Variants in PRKAA2 observed in about 807,000 individuals in gnomAD.
PRKAA2 encodes the protein protein kinase AMP-activated catalytic subunit alpha 2.
Under a neutral mutation model 56.3 loss-of-function variants are expected in PRKAA2, and 40 were observed. The observed-to-expected ratio is 0.71, with a 90% CI of 0.55 to 0.92. The LOEUF is 0.92. Among genes scored for constraint, PRKAA2 ranks in the 40% least tolerant of loss-of-function variants. The pLI, the probability that PRKAA2 is intolerant of heterozygous loss-of-function variation, is 0.00. For synonymous variants in PRKAA2, 214 were observed against 234.2 expected, an observed-to-expected ratio of 0.91 and a Z score of 0.79; for missense variants, 542 against 686.9, an observed-to-expected ratio of 0.79 and a Z score of 2.36.
At chr1:56,687,543 G>C (rs1644200595) in intron 2 of PRKAA2, among the ~76,000 whole-genome samples, 1 of 152,124 alleles carries the variant, frequency 6.6e-6, no homozygotes, top group Non-Finnish European at 1.5e-5. Flanking sequence ...ATATTAATTA[G>C]TTGGAAGCTG....
chr1:56,672,961 A>G (rs527428315), intron 1 of PRKAA2, among the ~76,000 whole-genome samples: 1 of 152,340 alleles, frequency 6.6e-6, no homozygotes, highest in East Asian at 1.9e-4. Flanking sequence ...GATAGGCTTA[A>G]GAGAAATAGC....
intron 2 of PRKAA2, among the ~76,000 whole-genome samples, chr1:56,688,855 C>T (rs1271930375): frequency 6.6e-6 from 1 of 152,154 alleles, no homozygotes; most frequent in Admixed American, 6.5e-5. Flanking sequence ...GTAGAGGCAC[C>T]AACTTTTGAT....
chr1:56,670,514 G>A (rs954373234), intron 1 of PRKAA2, among the ~76,000 whole-genome samples: 1 of 152,170 alleles, frequency 6.6e-6, no homozygotes, highest in Non-Finnish European at 1.5e-5. Context: ...TCATTGGCTG[G>A]AACATACTCA....
intron 4 of PRKAA2, 93 bp downstream of exon 4, chr1:56,692,595 C>T (rs1383962972): frequency 1.3e-5 from 16 of 1,264,460 alleles, no homozygotes; most frequent in East Asian, 5.2e-5. Context: ...CAACCTTGTA[C>T]GTTCTGTACC....
chr1:56,688,886 T>G (rs1040850856), intron 2 of PRKAA2, among the ~76,000 whole-genome samples: 7 of 152,204 alleles, frequency 4.6e-5, no homozygotes, highest in Non-Finnish European at 5.9e-5. Flanking sequence ...ACAATACAAG[T>G]AGGTACTCAA....
chr1:56,645,454 G>A lies in PRKAA2; in HGVS notation c.67G>A (p.Gly23Ser). 6.6e-7 allele frequency: 1 copy of A among 1,509,856 alleles called. No individual in the cohort carries two copies. The highest frequency in any genetic ancestry group is 8.9e-7 in the Non-Finnish European group (1 of 1,123,160). The allele number at this position is 1,509,856 out of a possible 1,614,324, so 93.5% of individuals were successfully genotyped here. Residue 23 changes from glycine to serine, a missense_variant, in exon 1 of 9, where the codon GGC becomes AGC. Physicochemically the swap from Gly to Ser is moderately conservative, Grantham distance 56. This residue lies in a region of PRKAA2 where 59 missense variants were observed against 53.9 expected (regional missense o/e 1.09). Transcript: ENST00000371244. The stretch of plus-strand genomic sequence containing the variant: ...ACACTACGTGCTGGGCGACACGCTG[G>A]GCGTCGGCACCTTCGGCAAAGTGAA... ...IGHYVLGDTL[G>S]VGTFGKVKIG...
intron 6 of PRKAA2, among the ~76,000 whole-genome samples, chr1:56,702,086 CTTT>C (rs1437077670): frequency 2.1e-5 from 3 of 142,692 alleles, no homozygotes; most frequent in Admixed American, 7.0e-5. Flanking sequence ...TTTATCTTTT[CTTT>C]TTTTTTTTTT....
chr1:56,707,456 C>G lies in PRKAA2; in HGVS notation c.1421-19C>G, dbSNP rs1459886535. The stretch of plus-strand genomic sequence containing the variant: ...ATATATACTTTCCATATAAATTGCT[C>G]TTCTTTGGTCCATTTCAGATGAAGT... On this transcript the variant is annotated intron_variant, in intron 8 of 8. Transcript: ENST00000371244. The G allele has an allele frequency of 1.2e-6, 2 of 1,603,842 alleles. No individual in the cohort carries two copies. Among genetic ancestry groups the G allele is most frequent in the African/African-American group, 2.7e-5 (2 of 74,634 alleles).
At chr1:56,696,809 G>A (rs569166157) in intron 6 of PRKAA2, among the ~76,000 whole-genome samples, 43 of 152,142 alleles carry the variant, frequency 2.8e-4, no homozygotes, top group African/African-American at 9.6e-4. Flanking sequence ...CATTGCTGAT[G>A]CGCCTATGAA....
Position 56,684,094 on chromosome 1 carries a change from A to G in PRKAA2, c.237-7300A>G, listed in dbSNP as rs185308183. On this transcript the variant is annotated intron_variant, in intron 2 of 8. Coordinates refer to ENST00000371244, the MANE Select transcript of PRKAA2 (RefSeq NM_006252.4). ...TGTATGTACTTTCAAGATAGAGTCA[A>G]CAGCATTTGCTAACAGATAAAATGT... Among the ~76,000 whole-genome samples the G allele has an allele frequency of 1.3e-3, 194 of 152,292 alleles. 2 individuals carry two copies. Among genetic ancestry groups the G allele is most frequent in the Non-Finnish European group, 4.1e-4 (28 of 68,030 alleles).
chr1:56,668,254 G>C, intron 1 of PRKAA2, among the ~76,000 whole-genome samples: 1 of 145,868 alleles, frequency 6.9e-6, no homozygotes, highest in Non-Finnish European at 1.5e-5. Flanking sequence ...TCACACTCTG[G>C]GGACTGTTGT....
intron 1 of PRKAA2, among the ~76,000 whole-genome samples, chr1:56,647,903 G>A (rs1402474841): frequency 1.3e-5 from 2 of 151,406 alleles, no homozygotes; most frequent in East Asian, 1.9e-4. Context: ...GGTGGTAGGC[G>A]CCTGTAATCC....
chr1:56,706,344 T>A, intron 8 of PRKAA2, 126 bp downstream of exon 8: 2 of 1,036,172 alleles, frequency 1.9e-6, no homozygotes, highest in Non-Finnish European at 2.7e-6. Context: ...AATCTAGACT[T>A]AACCAAAATG....
chr1:56,671,748 C>G (rs1057433250), intron 1 of PRKAA2, among the ~76,000 whole-genome samples: 2 of 152,162 alleles, frequency 1.3e-5, no homozygotes, highest in African/African-American at 4.8e-5. Flanking sequence ...AGTCAGACAG[C>G]CCAGGTCAGA....
intron 3 of PRKAA2, among the ~76,000 whole-genome samples, 175 bp from the exon 4 acceptor site, chr1:56,692,183 C>T (rs966995806): frequency 1.3e-5 from 2 of 152,034 alleles, no homozygotes; most frequent in Admixed American, 1.3e-4. Flanking sequence ...AGGTGCATGT[C>T]ACCATGCCCG....
intron 1 of PRKAA2, among the ~76,000 whole-genome samples, chr1:56,666,971 C>A (rs1179364006): frequency 1.3e-5 from 2 of 152,106 alleles, no homozygotes; most frequent in Non-Finnish European, 2.9e-5. Context: ...TGTCCAACAC[C>A]ATCGTACAAA....
Position 56,707,721 on chromosome 1 carries a change from C to G in PRKAA2, c.*8C>G. The G allele has an allele frequency of 6.4e-7, 1 of 1,565,174 alleles. No homozygotes were observed. The highest frequency in any genetic ancestry group is 1.1e-5 in the South Asian group (1 of 89,954). ...ACTACTTTAGCCCGTTGATCTGTCTCTAGTTTCTTTCTGTTATTGCACTAT... is the reference window on the plus strand; with the variant it reads ...ACTACTTTAGCCCGTTGATCTGTCTGTAGTTTCTTTCTGTTATTGCACTAT... On this transcript the variant is annotated 3_prime_UTR_variant, in exon 9 of 9. Transcript: ENST00000371244.
intron 1 of PRKAA2, among the ~76,000 whole-genome samples, chr1:56,652,147 G>A (rs1490617853): frequency 6.6e-6 from 1 of 151,762 alleles, no homozygotes; most frequent in Non-Finnish European, 1.5e-5. Flanking sequence ...CGACTAGCTG[G>A]GACTACAGGC....
rs944496011 is a variant in PRKAA2, at chr1:56,706,689, C to T, written c.1420+471C>T. ...CCCATGGCAATCAAGGAGCCAAAGGCGTCAGGGAAAATTGTCATGTCCAAG... is the reference window on the plus strand; with the variant it reads ...CCCATGGCAATCAAGGAGCCAAAGGTGTCAGGGAAAATTGTCATGTCCAAG... On this transcript the variant is annotated intron_variant, in intron 8 of 8. Transcript: ENST00000371244. 3.9e-5 allele frequency among the ~76,000 whole-genome samples: 6 copies of T among 152,248 alleles called. No individual in the cohort carries two copies. In the South Asian group the frequency reaches 1.2e-3, roughly 32 times the overall value.
Sources: gnomAD v4.1 joint callset for allele counts (sites outside exome capture counted in the v4.1 genomes callset) on GRCh38, gnomAD v4.1.1 for gene constraint, gnomAD v4.1.1 regional missense constraint, MANE v1.5 for transcripts, NCBI Gene and HGNC (gene_info 2026-07-23, HGNC 2026-07-21) for gene names.